PJA2: variants seen among roughly 807,000 people sequenced by gnomAD.
PJA2 encodes the protein E3 ubiquitin-protein ligase Praja-2.
In PJA2, 25 loss-of-function variants were observed where a neutral mutation model predicts 69.3. That is an observed-to-expected ratio of 0.36 (90% CI 0.26 to 0.50). The LOEUF (loss-of-function observed/expected upper bound fraction) is 0.50, where lower values mean the gene tolerates loss of function less well. Among genes scored for constraint, PJA2 ranks in the 20% least tolerant of loss-of-function variants. The pLI is 0.96. For missense variants in PJA2, 809 were observed against 830.2 expected, an observed-to-expected ratio of 0.97 and a Z score of 0.31; for synonymous variants, 308 against 277.8, an observed-to-expected ratio of 1.11 and a Z score of -1.08.
chr5:109,342,522 T>TGG (rs751889054), intron 9 of PJA2, among the ~76,000 whole-genome samples: 110 of 52,596 alleles, frequency 2.1e-3, no homozygotes, highest in African/African-American at 0.011. Flanking sequence ...GGGAGGGAGG[T>TGG]GGGGGGGGTC....
chr5:109,402,104 G>C (rs1376422922), intron 1 of PJA2, among the ~76,000 whole-genome samples: 2 of 152,096 alleles, frequency 1.3e-5, no homozygotes, highest in Non-Finnish European at 2.9e-5. Flanking sequence ...CTTTTTAAAA[G>C]AGAGGAAAAG....
At chr5:109,375,628 CT>C (rs1746847525) in intron 4 of PJA2, among the ~76,000 whole-genome samples, 1 of 152,124 alleles carries the variant, frequency 6.6e-6, no homozygotes. Flanking sequence ...AGTATATCAA[CT>C]TTTTAAGCTT....
intron 7 of PJA2, among the ~76,000 whole-genome samples, chr5:109,353,581 T>TA (rs1491467646): frequency 1.4e-4 from 20 of 144,876 alleles, no homozygotes; most frequent in Non-Finnish European, 9.0e-5. Flanking sequence ...CATAGACATC[T>TA]ATATATTAGA....
chr5:109,350,455 C>A (rs924225891), intron 7 of PJA2, among the ~76,000 whole-genome samples: 4 of 152,008 alleles, frequency 2.6e-5, no homozygotes, highest in African/African-American at 9.7e-5. Flanking sequence ...GAATAAAATA[C>A]AATTCAGTTT....
chr5:109,371,143 G>C (rs779460551), intron 4 of PJA2, among the ~76,000 whole-genome samples: 1 of 151,958 alleles, frequency 6.6e-6, no homozygotes, highest in Non-Finnish European at 1.5e-5. Context: ...TTTACCATCA[G>C]CTCCTTTAAG....
chr5:109,351,554 T>C (rs564936104), intron 7 of PJA2, among the ~76,000 whole-genome samples: 2 of 152,266 alleles, frequency 1.3e-5, no homozygotes, highest in African/African-American at 4.8e-5. Flanking sequence ...AAATTTTAGA[T>C]GTCAACATAA....
At chr5:109,344,868 A>G (rs1479269870) in intron 7 of PJA2, 49 bp from the exon 8 acceptor site, 1 of 1,224,630 alleles carries the variant, frequency 8.2e-7, no homozygotes. Context: ...TTAAAACAGT[A>G]ACAGAAAACT....
chr5:109,407,468 C>G (rs1358349787), intron 1 of PJA2, among the ~76,000 whole-genome samples: 2 of 152,148 alleles, frequency 1.3e-5, no homozygotes, highest in Admixed American at 6.5e-5. Flanking sequence ...ACATTAGAAG[C>G]ATTCCCCCTT....
At chr5:109,392,042 G>A (rs1747293041) in intron 1 of PJA2, among the ~76,000 whole-genome samples, 1 of 152,160 alleles carries the variant, frequency 6.6e-6, no homozygotes. Flanking sequence ...TGGGTTAAAT[G>A]TAATCCTAAT....
chr5:109,404,995 A>G (rs1028551911), intron 1 of PJA2, among the ~76,000 whole-genome samples: 2 of 152,232 alleles, frequency 1.3e-5, no homozygotes, highest in African/African-American at 2.4e-5. Flanking sequence ...TTCAAAAATA[A>G]TAAAACTGAT....
intron 4 of PJA2, among the ~76,000 whole-genome samples, chr5:109,370,755 C>G (rs781008990): frequency 6.6e-5 from 10 of 152,022 alleles, no homozygotes; most frequent in Non-Finnish European, 1.3e-4. Flanking sequence ...GCTAAATTAC[C>G]AACTCCTATT....
At chr5:109,377,311 A>C (rs949092404) in intron 4 of PJA2, among the ~76,000 whole-genome samples, 2 of 152,130 alleles carry the variant, frequency 1.3e-5, no homozygotes, top group Admixed American at 6.5e-5. Context: ...TCCACTAGCT[A>C]ATAAAATCTT....
Position 109,378,412 on chromosome 5 carries a change from C to T in PJA2, c.1075G>A (p.Asp359Asn), listed in dbSNP as rs770762689. 1 of 1,614,116 alleles carries T rather than the reference C, an allele frequency of 6.2e-7. No homozygotes were observed. Among genetic ancestry groups the T allele is most frequent in the Admixed American group, 1.7e-5 (1 of 60,014 alleles). ...TATTCTTCACATTTTATTAAGAGGT[C>T]ATCTGAGCCACTTTCCTCAACTTCC... is the stretch of plus-strand genomic sequence containing the variant. ...ALEVEESGSD[D>N]LLIKCEEYDG... The change falls in exon 4 of 10, where the codon GAC becomes AAC. Residue 359 changes from aspartate to asparagine, a missense_variant. Around this residue, in one of 4 missense-constraint regions of PJA2, gnomAD observed 700 missense variants for 639.5 expected, o/e 1.09. Transcript: ENST00000361189.
Position 109,360,508 on chromosome 5 carries a change from C to T in PJA2, c.1652+2332G>A, listed in dbSNP as rs970316998. On this transcript the variant is annotated intron_variant, in intron 6 of 9. Transcript: ENST00000361189. Reference sequence around the variant, plus strand: ...TTGACTTTAGAGACAAGAACTGCTGCTCTTTGCCATAGCTTTCCCCATAGC... The same window carrying T: ...TTGACTTTAGAGACAAGAACTGCTGTTCTTTGCCATAGCTTTCCCCATAGC... 5.9e-5 allele frequency among the ~76,000 whole-genome samples: 9 copies of T among 152,136 alleles called. No individual in the cohort carries two copies. The South Asian group carries it at 1.7e-3, about 28-fold the overall frequency.
intron 6 of PJA2, among the ~76,000 whole-genome samples, chr5:109,361,611 G>A (rs1019721096): frequency 1.3e-5 from 2 of 152,200 alleles, no homozygotes; most frequent in Admixed American, 6.5e-5. Context: ...AGGTAATGGG[G>A]AGACACAGAA....
At chr5:109,396,655 G>A (rs1293852309) in intron 1 of PJA2, among the ~76,000 whole-genome samples, 2 of 150,346 alleles carry the variant, frequency 1.3e-5, no homozygotes, top group East Asian at 3.9e-4. Flanking sequence ...TTGAACTCCT[G>A]ACCTCGTGAT....
intron 1 of PJA2, among the ~76,000 whole-genome samples, chr5:109,384,542 C>A (rs1420137353): frequency 3.3e-5 from 5 of 152,132 alleles, no homozygotes; most frequent in African/African-American, 1.2e-4. Context: ...TATTTAAACA[C>A]TTGAGCTACT....
intron 1 of PJA2, among the ~76,000 whole-genome samples, chr5:109,403,835 G>T (rs752466706): frequency 4.0e-5 from 6 of 151,862 alleles, no homozygotes; most frequent in African/African-American, 1.5e-4. Context: ...ACTTTGGGGG[G>T]CCAAGGCGGG....
At chr5:109,380,056 AG>A (rs1196922704) in intron 3 of PJA2, among the ~76,000 whole-genome samples, 38 of 151,006 alleles carry the variant, frequency 2.5e-4, no homozygotes, top group East Asian at 3.9e-4. Context: ...TATGGTACGA[AG>A]GGTTCTTTGA....
Sources: allele counts gnomAD v4.1 joint callset (sites outside exome capture counted in the v4.1 genomes callset), GRCh38; gene constraint gnomAD v4.1.1; regional missense constraint gnomAD v4.1.1; transcripts MANE v1.5; gene names NCBI Gene and HGNC (gene_info 2026-07-23, HGNC 2026-07-21).